NEK1: variants seen among roughly 807,000 people sequenced by gnomAD.
NEK1 encodes the protein NIMA related kinase 1, also known as serine/threonine-protein kinase Nek1.
Under a neutral mutation model 182.1 loss-of-function variants are expected in NEK1, and 137 were observed. The observed-to-expected ratio is 0.75, with a 90% CI of 0.65 to 0.87. NEK1 has a LOEUF of 0.87. NEK1 is among the 40% of genes least tolerant of loss of function. NEK1 has a pLI of 0.00. For synonymous variants in NEK1, 513 were observed against 492.2 expected (o/e 1.04, Z -0.56); for missense variants, 1,391 against 1,494.4 (o/e 0.93, Z 1.14).
At chr4:169,430,334 A>G (rs1336151871) in intron 29 of NEK1, among the ~76,000 whole-genome samples, 1 of 152,096 alleles carries the variant, frequency 6.6e-6, no homozygotes, top group African/African-American at 2.4e-5. Context: ...GTGTGCACAC[A>G]ACCACACCTG....
At chr4:169,608,859 T>C (rs1055177338) in intron 2 of NEK1, among the ~76,000 whole-genome samples, 15 of 151,920 alleles carry the variant, frequency 9.9e-5, no homozygotes, top group African/African-American at 3.6e-4. Context: ...AGGAGTTTGA[T>C]GTCAGGCTGA....
At chr4:169,605,245 G>C (rs1771144703) in intron 2 of NEK1, among the ~76,000 whole-genome samples, 1 of 152,138 alleles carries the variant, frequency 6.6e-6, no homozygotes, top group South Asian at 2.1e-4. Context: ...AGCTCCAAAA[G>C]TCCCCAGTGT....
At chr4:169,475,096 C>A (rs1159600002) in intron 26 of NEK1, among the ~76,000 whole-genome samples, 1 of 152,106 alleles carries the variant, frequency 6.6e-6, no homozygotes, top group African/African-American at 2.4e-5. Flanking sequence ...AGTTTTCAGG[C>A]TATAGCTAAT....
chr4:169,612,010 T>A lies in NEK1; in HGVS notation c.-49+10A>T, dbSNP rs1560809115. The A allele has an allele frequency of 6.6e-6, 1 of 152,210 alleles. No individual in the cohort carries two copies. Among genetic ancestry groups the A allele is most frequent in the Non-Finnish European group, 1.5e-5 (1 of 68,050 alleles). The allele number at this position is 152,210 out of a possible 1,614,324, so 9.4% of individuals were successfully genotyped here. ...TTTGCATGTCATTCCTTCCCCCAAG[T>A]GGAACTCACCTCAGTGACACAGGAC... On this transcript the variant is annotated intron_variant, in intron 2 of 35. Coordinates refer to ENST00000507142, the MANE Select transcript of NEK1 (RefSeq NM_001199397.3).
chr4:169,513,118 T>G (rs1421407148), intron 19 of NEK1, among the ~76,000 whole-genome samples: 1 of 152,182 alleles, frequency 6.6e-6, no homozygotes, highest in Non-Finnish European at 1.5e-5. Context: ...TAAGCCTGTC[T>G]ATATTAAAAA....
At chr4:169,542,873 G>A (rs956944732) in intron 18 of NEK1, among the ~76,000 whole-genome samples, 48 of 151,916 alleles carry the variant, frequency 3.2e-4, no homozygotes, top group Admixed American at 1.2e-3. Flanking sequence ...GTTATTTGTA[G>A]ATTCTGGATA....
intron 27 of NEK1, among the ~76,000 whole-genome samples, chr4:169,446,225 TA>T (rs1213007104): frequency 6.7e-6 from 1 of 149,942 alleles, no homozygotes; most frequent in African/African-American, 2.5e-5. Context: ...AAACAGACAC[TA>T]AAAAAATCAA....
intron 23 of NEK1, among the ~76,000 whole-genome samples, chr4:169,482,078 C>T (rs932190561): frequency 3.3e-5 from 5 of 152,232 alleles, no homozygotes; most frequent in Admixed American, 1.3e-4. Flanking sequence ...GAGGTGGCTT[C>T]TTTCCTTAAA....
intron 28 of NEK1, among the ~76,000 whole-genome samples, chr4:169,436,348 A>G (rs1179336331): frequency 6.6e-6 from 1 of 152,174 alleles, no homozygotes; most frequent in Non-Finnish European, 1.5e-5. Context: ...GCAGGCAGAA[A>G]TTGGAAGGGC....
At chr4:169,570,482 G>GC (rs1764588771) in intron 12 of NEK1, among the ~76,000 whole-genome samples, 1 of 151,128 alleles carries the variant, frequency 6.6e-6, no homozygotes, top group African/African-American at 2.4e-5. Flanking sequence ...CGCCCGGCCA[G>GC]CCGCCCCGTC....
rs1311996444 is a variant in NEK1, at chr4:169,508,329, A to C, written c.1752T>G (p.Val584=). 3 of 1,568,658 alleles carry C rather than the reference A, an allele frequency of 1.9e-6. No homozygotes were observed. The South Asian group carries it at 3.6e-5, about 19-fold the overall frequency. Residue 584 remains valine, a splice_region_variant and synonymous_variant, in exon 21 of 36, where the codon GTT becomes GTG. Transcript: ENST00000507142. Reference sequence around the variant, plus strand: ...TTATTTGCCTCAGTCTTGCCAGATAAACCTACAAGGAGGCAAAAACCCCAA... The same window carrying C: ...TTATTTGCCTCAGTCTTGCCAGATACACCTACAAGGAGGCAAAAACCCCAA... The part of the protein sequence containing the change: ...GGKPRNKEEE[V]YLARLRQIRL...
At chr4:169,558,584 T>C (rs940721285) in intron 16 of NEK1, among the ~76,000 whole-genome samples, 9 of 152,364 alleles carry the variant, frequency 5.9e-5, no homozygotes, top group Non-Finnish European at 1.3e-4. Context: ...ATCCATGGTG[T>C]TGCATGTATA....
At chr4:169,559,869 C>A (rs561584192) in intron 16 of NEK1, among the ~76,000 whole-genome samples, 7 of 152,094 alleles carry the variant, frequency 4.6e-5, no homozygotes, top group African/African-American at 1.7e-4. Flanking sequence ...ATTAGCTGGG[C>A]GTGGTGGTGC....
intron 12 of NEK1, among the ~76,000 whole-genome samples, chr4:169,571,203 T>TA (rs1764786239): frequency 6.7e-6 from 1 of 149,606 alleles, no homozygotes; most frequent in African/African-American, 2.5e-5. Context: ...AATAAATAAA[T>TA]AAATAAATAA....
At chr4:169,601,390 C>A (rs755995140) in intron 4 of NEK1, among the ~76,000 whole-genome samples, 3 of 152,072 alleles carry the variant, frequency 2.0e-5, no homozygotes, top group Non-Finnish European at 2.9e-5. Context: ...CTTTGACCTG[C>A]CTTTAGAGAA....
intron 27 of NEK1, among the ~76,000 whole-genome samples, chr4:169,442,937 A>G (rs958869633): frequency 2.0e-5 from 3 of 152,154 alleles, no homozygotes; most frequent in Non-Finnish European, 2.9e-5. Context: ...AGTCTGGAAG[A>G]TAAGGTGGAA....
chr4:169,599,406 C>A (rs1770102376), intron 4 of NEK1, among the ~76,000 whole-genome samples: 1 of 152,120 alleles, frequency 6.6e-6, no homozygotes, highest in South Asian at 2.1e-4. Context: ...TTAATGATTT[C>A]TATTAAAAAT....
intron 26 of NEK1, among the ~76,000 whole-genome samples, chr4:169,470,909 G>T (rs1745834589): frequency 6.6e-6 from 1 of 152,094 alleles, no homozygotes; most frequent in Non-Finnish European, 1.5e-5. Context: ...CCACTTGATT[G>T]ATTTGGCTAT....
intron 2 of NEK1, among the ~76,000 whole-genome samples, chr4:169,606,352 G>A (rs1771335820): frequency 6.6e-6 from 1 of 151,110 alleles, no homozygotes; most frequent in South Asian, 2.1e-4. Context: ...CAGAAGAGAA[G>A]GCAACAGCAA....
Sources: allele counts gnomAD v4.1 joint callset (sites outside exome capture counted in the v4.1 genomes callset), GRCh38; gene constraint gnomAD v4.1.1; transcripts MANE v1.5; gene names NCBI Gene and HGNC (gene_info 2026-07-23, HGNC 2026-07-21).